Variants in TTC28 observed in about 807,000 individuals in gnomAD.
The protein encoded by TTC28 is tetratricopeptide repeat domain 28, also known as tetratricopeptide repeat protein 28.
In TTC28, 61 loss-of-function variants were observed where a neutral mutation model predicts 198.0. The observed-to-expected ratio is 0.31, with a 90% CI of 0.25 to 0.38. The LOEUF (loss-of-function observed/expected upper bound fraction) is 0.38, where lower values mean the gene tolerates loss of function less well. Among genes scored for constraint, TTC28 ranks in the 10% least tolerant of loss-of-function variants. The probability of loss-of-function intolerance (pLI) is 1.00; values close to 1 mark genes in which losing one functional copy is unlikely to be tolerated. For synonymous variants in TTC28, 1,171 were observed against 1,297.8 expected, an observed-to-expected ratio of 0.90 and a Z score of 2.10; for missense variants, 2,678 against 3,164.0, an observed-to-expected ratio of 0.85 and a Z score of 3.69.
At chr22:28,153,511 G>C (rs1943664820) in intron 6 of TTC28, among the ~76,000 whole-genome samples, 1 of 150,628 alleles carries the variant, frequency 6.6e-6, no homozygotes, top group Non-Finnish European at 1.5e-5. Context: ...AACCTCATAG[G>C]TTTTGAGAAG....
chr22:28,294,768 C>T (rs1057250704), intron 5 of TTC28, among the ~76,000 whole-genome samples: 5 of 152,090 alleles, frequency 3.3e-5, no homozygotes, highest in Admixed American at 6.5e-5. Context: ...GGGGTTTCAC[C>T]ATGTTGGCCA....
chr22:28,591,032 CACACACACATATATATATATATATATAT>C (rs1242760271), intron 2 of TTC28, among the ~76,000 whole-genome samples: 9 of 62,598 alleles, frequency 1.4e-4, no homozygotes, highest in Admixed American at 8.2e-4. Context: ...CACACACACA[CACACACACATATATATATATATATATAT>C]ATATATATAT....
At chr22:28,265,275 A>T (rs1931609528) in intron 5 of TTC28, among the ~76,000 whole-genome samples, 1 of 152,196 alleles carries the variant, frequency 6.6e-6, no homozygotes, top group South Asian at 2.1e-4. Context: ...CACACCATGT[A>T]TCCATCCCAC....
chr22:28,539,341 C>T (rs2049361860), intron 2 of TTC28, among the ~76,000 whole-genome samples: 1 of 151,980 alleles, frequency 6.6e-6, no homozygotes, highest in Non-Finnish European at 1.5e-5. Context: ...GGAACACCTA[C>T]ATGGGTGGAG....
chr22:28,618,519 TA>T (rs1175104217), intron 2 of TTC28, among the ~76,000 whole-genome samples: 2 of 151,204 alleles, frequency 1.3e-5, no homozygotes, highest in Non-Finnish European at 3.0e-5. Flanking sequence ...CTGTCTTTAC[TA>T]AAAATATAAA....
chr22:28,297,662 C>T lies in TTC28; in HGVS notation c.720G>A (p.Leu240=). The T allele has an allele frequency of 1.3e-6, 2 of 1,551,698 alleles. No homozygotes were observed. The highest frequency in any genetic ancestry group is 8.7e-7 in the Non-Finnish European group (1 of 1,146,996). ...TTCCAAGAGACCAGTAAGCACTGCTCAGGGCAGAGAAAACAGAACCTCTCA... is the reference window on the plus strand; with the variant it reads ...TTCCAAGAGACCAGTAAGCACTGCTTAGGGCAGAGAAAACAGAACCTCTCA... ...LKLRGSVFSA[L]SSAYWSLGNT... is the part of the protein sequence containing the mutation. Residue 240 remains leucine (L), a synonymous_variant, in exon 4 of 23, where the codon CTG becomes CTA. Transcript: ENST00000397906.
At chr22:28,408,659 G>A (rs1285994816) in intron 2 of TTC28, among the ~76,000 whole-genome samples, 1 of 152,230 alleles carries the variant, frequency 6.6e-6, no homozygotes, top group Non-Finnish European at 1.5e-5. Context: ...AAAGTGCTGG[G>A]ATTACAGGCG....
intron 2 of TTC28, among the ~76,000 whole-genome samples, chr22:28,402,793 A>T (rs1416689508): frequency 6.6e-6 from 1 of 152,212 alleles, no homozygotes; most frequent in Non-Finnish European, 1.5e-5. Context: ...CACAGGACAC[A>T]CTCAGTAAAT....
chr22:28,267,130 G>A (rs533411687), intron 5 of TTC28, among the ~76,000 whole-genome samples: 3 of 152,136 alleles, frequency 2.0e-5, no homozygotes, highest in Non-Finnish European at 4.4e-5. Flanking sequence ...GGTGCATGTG[G>A]GGGACTAGTA....
At chr22:28,676,687 C>T (rs1424433690) in intron 1 of TTC28, among the ~76,000 whole-genome samples, 1 of 151,008 alleles carries the variant, frequency 6.6e-6, no homozygotes, top group Non-Finnish European at 1.5e-5. Context: ...CATATTTTGT[C>T]CAGTGAAACA....
At chr22:28,370,351 C>A (rs2046313997) in intron 2 of TTC28, among the ~76,000 whole-genome samples, 1 of 152,162 alleles carries the variant, frequency 6.6e-6, no homozygotes, top group Non-Finnish European at 1.5e-5. Context: ...AGATATCTTA[C>A]CATCCTGTCA....
At chr22:28,529,574 G>A (rs2145892670) in intron 2 of TTC28, among the ~76,000 whole-genome samples, 2 of 152,312 alleles carry the variant, frequency 1.3e-5, no homozygotes, top group Middle Eastern at 3.4e-3. Flanking sequence ...CTCCCAGCAT[G>A]GAGTTTGAGA....
At chr22:28,418,233 C>T (rs562049355) in intron 2 of TTC28, among the ~76,000 whole-genome samples, 1 of 152,104 alleles carries the variant, frequency 6.6e-6, no homozygotes, top group South Asian at 2.1e-4. Context: ...TGGAATGTAC[C>T]CTAAAGCCAC....
intron 2 of TTC28, among the ~76,000 whole-genome samples, chr22:28,333,825 GA>G (rs571702641): frequency 1.3e-5 from 2 of 151,172 alleles, no homozygotes. Flanking sequence ...AACACCTAAG[GA>G]AAAAAAATCA....
chr22:28,324,433 A>C (rs562585243), intron 2 of TTC28, among the ~76,000 whole-genome samples: 12 of 152,272 alleles, frequency 7.9e-5, no homozygotes, highest in African/African-American at 2.9e-4. Context: ...AGACACAAAA[A>C]AAAAAAAGAA....
intron 2 of TTC28, among the ~76,000 whole-genome samples, chr22:28,368,347 C>T (rs2046280168): frequency 6.6e-6 from 1 of 151,960 alleles, no homozygotes. Flanking sequence ...GTTCAACGTC[C>T]CTTCATGATA....
intron 5 of TTC28, among the ~76,000 whole-genome samples, chr22:28,258,092 C>T (rs544607002): frequency 1.3e-5 from 2 of 151,990 alleles, no homozygotes; most frequent in Non-Finnish European, 2.9e-5. Flanking sequence ...TATAAACATA[C>T]TATAGTTGGG....
chr22:28,323,671 C>T (rs1041930279), intron 2 of TTC28, among the ~76,000 whole-genome samples: 1 of 151,986 alleles, frequency 6.6e-6, no homozygotes, highest in Non-Finnish European at 1.5e-5. Context: ...TTAAAGAGGA[C>T]GTAGAGGGTG....
At chr22:28,141,377 G>T (rs1189972959) in intron 6 of TTC28, among the ~76,000 whole-genome samples, 3 of 152,140 alleles carry the variant, frequency 2.0e-5, no homozygotes, top group Admixed American at 1.3e-4. Context: ...ATTATTCACT[G>T]CTTTATCTCT....
Sources: gnomAD v4.1 joint callset for allele counts (sites outside exome capture counted in the v4.1 genomes callset) on GRCh38, gnomAD v4.1.1 for gene constraint, MANE v1.5 for transcripts, NCBI Gene and HGNC (gene_info 2026-07-23, HGNC 2026-07-21) for gene names.